RPS29: variants seen among roughly 807,000 people sequenced by gnomAD.
RPS29 encodes ribosomal protein S29.
For synonymous variants in RPS29, 37 were observed against 26.9 expected (o/e 1.37, Z -1.16); for missense variants, 60 against 75.7 (o/e 0.79, Z 0.77).
At chr14:49,595,738 C>T (rs577704616) in intron 1 of RPS29, among the ~76,000 whole-genome samples, 86 of 152,248 alleles carry the variant, frequency 5.6e-4, no homozygotes, top group Admixed American at 2.7e-3. Flanking sequence ...GTCGGCAGGG[C>T]GCGGTGGCTC....
intron 2 of RPS29, among the ~76,000 whole-genome samples, chr14:49,584,877 TAA>T (rs952634618): frequency 6.8e-6 from 1 of 146,870 alleles, no homozygotes; most frequent in African/African-American, 2.5e-5. Flanking sequence ...GTTTTCACCT[TAA>T]AAAAAAAAAC....
chr14:49,592,133 T>C (rs1881726529), intron 1 of RPS29: 1 of 152,154 alleles, frequency 6.6e-6, no homozygotes, highest in Non-Finnish European at 1.5e-5. Flanking sequence ...TCATATAAGA[T>C]GCAAAGTTAT....
chr14:49,580,353 C>A (rs943886383), downstream of RPS29, among the ~76,000 whole-genome samples: 3 of 152,160 alleles, frequency 2.0e-5, no homozygotes, highest in Admixed American at 6.5e-5. Flanking sequence ...ACATCCTCAA[C>A]CTCATCTCCC....
At chr14:49,590,967 G>A (rs1414571543), upstream of RPS29, among the ~76,000 whole-genome samples, 1 of 152,068 alleles carries the variant, frequency 6.6e-6, no homozygotes, top group African/African-American at 2.4e-5. Flanking sequence ...TGGGATTACA[G>A]GCATCAGCCA....
chr14:49,595,872 G>T (rs927982260), intron 1 of RPS29, among the ~76,000 whole-genome samples: 3 of 151,950 alleles, frequency 2.0e-5, no homozygotes, highest in Non-Finnish European at 4.4e-5. Flanking sequence ...AATTACCTGG[G>T]CATGGTGACA....
Position 49,591,619 on chromosome 14 carries a change from AT to A in RPS29, c.-132-5142del, listed in dbSNP as rs35067386. On this transcript the variant is annotated intron_variant, in intron 1 of 3. Coordinates refer to the RPS29 transcript ENST00000556230. ...GAGCCACCATGCCTGGCCCAATTTGATTTTTTTTTTTTTTTTTTTGAGATGG... is the reference window on the plus strand; with the variant it reads ...GAGCCACCATGCCTGGCCCAATTTGATTTTTTTTTTTTTTTTTTGAGATGG... 3.7e-3 allele frequency among the ~76,000 whole-genome samples: 435 copies of A among 117,036 alleles called. 1 individual carries two copies. Among genetic ancestry groups the A allele is most frequent in the Middle Eastern group, 0.01 (2 of 192 alleles). The allele number at this position is 117,036 out of a possible 152,430, so 76.8% of individuals were successfully genotyped here.
chr14:49,582,686 T>C (rs1881375906), downstream of RPS29, among the ~76,000 whole-genome samples: 1 of 152,234 alleles, frequency 6.6e-6, no homozygotes. Context: ...GTAGGGGCTC[T>C]TGTTCAAATG....
downstream of RPS29, among the ~76,000 whole-genome samples, chr14:49,581,685 A>C (rs1881338579): frequency 6.6e-6 from 1 of 152,086 alleles, no homozygotes; most frequent in Non-Finnish European, 1.5e-5. Flanking sequence ...AGCCCCTAAG[A>C]GTCATTATCT....
chr14:49,587,080 A>G (rs1177836966), upstream of RPS29, among the ~76,000 whole-genome samples: 2 of 152,222 alleles, frequency 1.3e-5, no homozygotes, highest in African/African-American at 4.8e-5. Context: ...AGTCAACGGT[A>G]GGGTTTGCTT....
At chr14:49,584,489 G>C (rs949529450) in intron 2 of RPS29, among the ~76,000 whole-genome samples, 1 of 152,222 alleles carries the variant, frequency 6.6e-6, no homozygotes, top group Admixed American at 6.5e-5. Flanking sequence ...AACAGACAGG[G>C]CGCCGTGGAT....
At chr14:49,585,284 C>T (rs1312784748) in intron 2 of RPS29, 1 of 151,098 alleles carries the variant, frequency 6.6e-6, no homozygotes, top group Non-Finnish European at 1.5e-5. Flanking sequence ...AGGAGAATCG[C>T]TTGAACCGGG....
chr14:49,598,013 A>T (rs1881874026), intron 1 of RPS29: 1 of 179,604 alleles, frequency 5.6e-6, no homozygotes, highest in South Asian at 1.6e-4. Context: ...GAATTAACTG[A>T]CAACACTTCA....
chr14:49,586,282 C>T lies in RPS29; in HGVS notation c.62+3G>A, dbSNP rs757785401. The T allele has an allele frequency of 2.5e-6, 4 of 1,613,560 alleles. No individual in the cohort carries two copies. The East Asian group carries it at 6.7e-5, about 27-fold the overall frequency. On this transcript the variant is annotated splice_donor_region_variant and intron_variant, in intron 1 of 2. Transcript: ENST00000245458. ...TTCCCCAAAATCACAAACTATTTCTCACCAAGAGCGAGAACCCTGGCCGAA... is the reference window on the plus strand; with the variant it reads ...TTCCCCAAAATCACAAACTATTTCTTACCAAGAGCGAGAACCCTGGCCGAA...
At chr14:49,584,589 A>T (rs1455117577) in intron 2 of RPS29, among the ~76,000 whole-genome samples, 1 of 152,040 alleles carries the variant, frequency 6.6e-6, no homozygotes, top group Non-Finnish European at 1.5e-5. Flanking sequence ...ACATGGTGAA[A>T]TCCCATCTCC....
chr14:49,592,020 T>A lies in RPS29; in HGVS notation c.-132-5542A>T, dbSNP rs776693390. Among the ~76,000 whole-genome samples, 90 of 152,318 alleles carry A rather than the reference T, an allele frequency of 5.9e-4. 2 individuals carry two copies. The highest frequency in any genetic ancestry group is 6.8e-3 in the Middle Eastern group (2 of 294). On this transcript the variant is annotated intron_variant, in intron 1 of 3. Coordinates refer to the RPS29 transcript ENST00000556230. ...TTTATAAGCCAGACATATATCTTTA[T>A]CTGGGAACTTTTTTGAGTCCACAGC...
chr14:49,586,501 T>TA, upstream of RPS29: 1 of 685,712 alleles, frequency 1.5e-6, no homozygotes, highest in Admixed American at 2.2e-5. Flanking sequence ...AATGAAATCT[T>TA]AGAGGCGTTG....
upstream of RPS29, chr14:49,586,480 T>A: frequency 1.3e-6 from 1 of 773,794 alleles, no homozygotes. Flanking sequence ...GTTGTTTCGC[T>A]GGGTGAGTAA....
At chr14:49,580,014 C>T (rs1416072538), downstream of RPS29, among the ~76,000 whole-genome samples, 6 of 152,308 alleles carry the variant, frequency 3.9e-5, no homozygotes, top group South Asian at 4.1e-4. Flanking sequence ...ACTTAGACCA[C>T]CTATCCACAG....
At chr14:49,593,601 G>GAGAATC (rs1270692126) in intron 1 of RPS29, among the ~76,000 whole-genome samples, 2 of 140,122 alleles carry the variant, frequency 1.4e-5, no homozygotes, top group Non-Finnish European at 3.0e-5. Flanking sequence ...GCTGAGGCAG[G>GAGAATC]AGAATCGCTT....
Sources: allele counts gnomAD v4.1 joint callset (sites outside exome capture counted in the v4.1 genomes callset), GRCh38; gene constraint gnomAD v4.1.1; transcripts MANE v1.5; gene names NCBI Gene and HGNC (gene_info 2026-07-23, HGNC 2026-07-21).